Variants in AKAP6 observed in about 807,000 individuals in gnomAD.
AKAP6 encodes the protein A-kinase anchor protein 6.
AKAP6 carries 58 observed loss-of-function variants against 188.5 expected under a neutral mutation model. The observed-to-expected ratio is 0.31, with a 90% CI of 0.25 to 0.38. The LOEUF (loss-of-function observed/expected upper bound fraction) is 0.38, where lower values mean the gene tolerates loss of function less well. Among genes scored for constraint, AKAP6 ranks in the 10% least tolerant of loss-of-function variants. The pLI, the probability that AKAP6 is intolerant of heterozygous loss-of-function variation, is 1.00. For synonymous variants in AKAP6, 989 were observed against 998.6 expected, an observed-to-expected ratio of 0.99 and a Z score of 0.18; for missense variants, 2,710 against 2,740.0, an observed-to-expected ratio of 0.99 and a Z score of 0.24.
chr14:32,652,894 A>C (rs1461487046), intron 7 of AKAP6, among the ~76,000 whole-genome samples: 1 of 152,072 alleles, frequency 6.6e-6, no homozygotes, highest in Non-Finnish European at 1.5e-5. Context: ...CTCTACAAAA[A>C]ATTTAAAAAT....
intron 7 of AKAP6, among the ~76,000 whole-genome samples, chr14:32,651,064 C>A (rs1383342093): frequency 1.3e-5 from 2 of 152,116 alleles, no homozygotes; most frequent in Admixed American, 1.3e-4. Context: ...TTGCAAGAAC[C>A]AGAGGGCTTT....
chr14:32,626,683 A>G (rs1252897248), intron 7 of AKAP6, among the ~76,000 whole-genome samples: 4 of 152,006 alleles, frequency 2.6e-5, no homozygotes, highest in African/African-American at 9.6e-5. Flanking sequence ...TCCAACCTCT[A>G]TTTCTTCAAA....
intron 1 of AKAP6, among the ~76,000 whole-genome samples, chr14:32,430,068 C>T (rs1031471515): frequency 6.6e-5 from 10 of 152,310 alleles, no homozygotes; most frequent in Non-Finnish European, 1.2e-4. Context: ...ACGCTGTTTT[C>T]ATGATAGTAA....
At chr14:32,333,959 C>T (rs1053253846) in intron 1 of AKAP6, among the ~76,000 whole-genome samples, 12 of 152,184 alleles carry the variant, frequency 7.9e-5, no homozygotes, top group African/African-American at 2.9e-4. Flanking sequence ...ACCAACTACA[C>T]ACTTAGTTGT....
At chr14:32,703,682 A>G (rs1890700998) in intron 9 of AKAP6, among the ~76,000 whole-genome samples, 1 of 152,250 alleles carries the variant, frequency 6.6e-6, no homozygotes, top group East Asian at 1.9e-4. Flanking sequence ...AAGAAATGCT[A>G]GTGGCCAACA....
intron 12 of AKAP6, among the ~76,000 whole-genome samples, chr14:32,778,985 T>C (rs912308116): frequency 5.9e-5 from 9 of 151,814 alleles, no homozygotes; most frequent in South Asian, 2.1e-4. Flanking sequence ...ATGGAAGACT[T>C]AAAACAACTG....
intron 5 of AKAP6, among the ~76,000 whole-genome samples, chr14:32,591,353 T>C (rs1885476682): frequency 6.6e-6 from 1 of 152,012 alleles, no homozygotes; most frequent in Admixed American, 6.6e-5. Flanking sequence ...GAAAATTCTG[T>C]CACTTGGAGC....
chr14:32,585,499 T>C (rs1885195360), intron 5 of AKAP6, among the ~76,000 whole-genome samples: 2 of 152,098 alleles, frequency 1.3e-5, no homozygotes, highest in South Asian at 4.2e-4. Flanking sequence ...TATATGTGTG[T>C]GTGTGTGTGT....
chr14:32,651,274 T>G (rs1030276270), intron 7 of AKAP6, among the ~76,000 whole-genome samples: 1 of 152,166 alleles, frequency 6.6e-6, no homozygotes, highest in African/African-American at 2.4e-5. Context: ...TGTTCATGAT[T>G]ATTGTAGTGT....
chr14:32,800,076 T>A (rs1043192997), intron 12 of AKAP6, among the ~76,000 whole-genome samples: 6 of 145,500 alleles, frequency 4.1e-5, no homozygotes, highest in African/African-American at 7.5e-5. Context: ...TATATAGAAA[T>A]ATATATATAT....
At chr14:32,672,831 T>C (rs545480060) in intron 7 of AKAP6, among the ~76,000 whole-genome samples, 1 of 152,156 alleles carries the variant, frequency 6.6e-6, no homozygotes, top group Non-Finnish European at 1.5e-5. Context: ...TTTCTCCAAG[T>C]ACACCAGCCA....
chr14:32,473,112 T>C lies in AKAP6; in HGVS notation c.324+39295T>C, dbSNP rs1016948594. 5.3e-5 allele frequency among the ~76,000 whole-genome samples: 8 copies of C among 152,340 alleles called. No individual in the cohort carries two copies. The South Asian group carries it at 8.3e-4, about 16-fold the overall frequency. On this transcript the variant is annotated intron_variant, in intron 2 of 13. Transcript: ENST00000280979. ...AATGTGAAAAACAGTTTCTGTGTTT[T>C]TGTATTTTCTCTAAGACTGACCTAC...
intron 1 of AKAP6, among the ~76,000 whole-genome samples, chr14:32,411,927 A>G (rs1889501751): frequency 6.7e-6 from 1 of 149,766 alleles, no homozygotes; most frequent in African/African-American, 2.4e-5. Context: ...TGTTTTCCGT[A>G]ATGATAGCTG....
At chr14:32,584,994 A>G (rs572461346) in intron 5 of AKAP6, among the ~76,000 whole-genome samples, 1 of 151,840 alleles carries the variant, frequency 6.6e-6, no homozygotes, top group South Asian at 2.1e-4. Context: ...AAATAGAAGC[A>G]TAGTGAATAA....
At position 32,545,679 on chromosome 14, in the gene AKAP6, G is replaced by A; in HGVS notation, c.1026G>A (p.Glu342=). Residue 342 remains glutamate (E), a synonymous_variant, in exon 4 of 14, where the codon GAG becomes GAA. Coordinates refer to ENST00000280979, the MANE Select transcript of AKAP6 (RefSeq NM_004274.5). ...CAAATGCTGCTCAACCCTCCTCTGAGACTGTGCAGCAAGAATCCAGTTCCT... is the reference window on the plus strand; with the variant it reads ...CAAATGCTGCTCAACCCTCCTCTGAAACTGTGCAGCAAGAATCCAGTTCCT... ...ALTNAAQPSS[E]TVQQESSSSS... The A allele has an allele frequency of 6.2e-7, 1 of 1,614,168 alleles. No individual in the cohort carries two copies. Among genetic ancestry groups the A allele is most frequent in the Non-Finnish European group, 8.5e-7 (1 of 1,180,024 alleles).
intron 1 of AKAP6, among the ~76,000 whole-genome samples, chr14:32,359,542 TAACTA>T (rs1172801757): frequency 1.1e-4 from 17 of 151,212 alleles, no homozygotes; most frequent in Non-Finnish European, 1.8e-4. Context: ...ACATTACTAT[TAACTA>T]AACTACTGCA....
intron 4 of AKAP6, among the ~76,000 whole-genome samples, chr14:32,574,563 G>A (rs1884639766): frequency 6.6e-6 from 1 of 152,146 alleles, no homozygotes; most frequent in African/African-American, 2.4e-5. Flanking sequence ...TGTTTTTGAA[G>A]GGGAGAAGAT....
chr14:32,476,998 G>T (rs1026608054), intron 2 of AKAP6, among the ~76,000 whole-genome samples: 4 of 152,158 alleles, frequency 2.6e-5, no homozygotes, highest in Non-Finnish European at 5.9e-5. Context: ...TTTGCAATTG[G>T]TTAAGGAGAT....
intron 7 of AKAP6, among the ~76,000 whole-genome samples, chr14:32,615,418 T>TG (rs920839704): frequency 3.3e-5 from 5 of 151,158 alleles, no homozygotes; most frequent in Non-Finnish European, 7.4e-5. Flanking sequence ...CTTCTTTTTT[T>TG]TTTTTAACCT....
Sources: allele counts gnomAD v4.1 joint callset (sites outside exome capture counted in the v4.1 genomes callset), GRCh38; gene constraint gnomAD v4.1.1; transcripts MANE v1.5; gene names NCBI Gene and HGNC (gene_info 2026-07-23, HGNC 2026-07-21).